IGFBP7: variants seen among roughly 807,000 people sequenced by gnomAD.
The protein encoded by IGFBP7 is insulin like growth factor binding protein 7.
In IGFBP7, 31 loss-of-function variants were observed where a neutral mutation model predicts 29.4. That is an observed-to-expected ratio of 1.05 (90% CI 0.79 to 1.42). The LOEUF is 1.42. Ranked by LOEUF, IGFBP7 falls within the 40% of genes most tolerant of loss-of-function variation. The pLI is 0.00. For missense variants in IGFBP7, 393 were observed against 395.5 expected, an observed-to-expected ratio of 0.99 and a Z score of 0.05; for synonymous variants, 172 against 174.9, an observed-to-expected ratio of 0.98 and a Z score of 0.13.
At chr4:57,072,679 C>T (rs1725082937) in intron 1 of IGFBP7, 1 of 379,640 alleles carries the variant, frequency 2.6e-6, no homozygotes, top group African/African-American at 2.1e-5. Context: ...CTGCCCGGTA[C>T]CTTGTGGGCA....
At chr4:57,034,563 TAATA>T (rs935643022) in intron 2 of IGFBP7, among the ~76,000 whole-genome samples, 4 of 151,864 alleles carry the variant, frequency 2.6e-5, no homozygotes, top group African/African-American at 7.2e-5. Context: ...TGTATAAATA[TAATA>T]AATATATAAA....
intron 1 of IGFBP7, among the ~76,000 whole-genome samples, chr4:57,096,143 C>A (rs1262052975): frequency 6.6e-6 from 1 of 151,464 alleles, no homozygotes; most frequent in African/African-American, 2.4e-5. Flanking sequence ...ACCAACAAAA[C>A]TGACATATTT....
intron 1 of IGFBP7, among the ~76,000 whole-genome samples, chr4:57,051,171 T>C (rs114983191): frequency 1.3e-5 from 2 of 152,064 alleles, no homozygotes; most frequent in Non-Finnish European, 1.5e-5. Context: ...ATGGCCAAGA[T>C]GGGGAAGGGG....
At position 57,095,363 on chromosome 4, in the gene IGFBP7, T is replaced by C. The variant is rs145839262; in HGVS notation, c.475+14514A>G. On this transcript the variant is annotated intron_variant, in intron 1 of 4. Coordinates refer to ENST00000295666, the MANE Select transcript of IGFBP7 (RefSeq NM_001553.3). ...GTTCAGTATTTGCTAATTCAGTGCT[T>C]GTGGTGACTTACTAGAACAAAACTT... 4.6e-5 allele frequency among the ~76,000 whole-genome samples: 7 copies of C among 152,334 alleles called. No individual in the cohort carries two copies. The East Asian group carries it at 1.3e-3, about 29-fold the overall frequency.
chr4:57,056,609 G>A (rs1189288259), intron 1 of IGFBP7, among the ~76,000 whole-genome samples: 1 of 152,148 alleles, frequency 6.6e-6, no homozygotes, highest in Admixed American at 6.5e-5. Context: ...GGACCTGCCT[G>A]GTGAGAACTG....
At chr4:57,041,183 C>T (rs1253938204) in intron 1 of IGFBP7, among the ~76,000 whole-genome samples, 2 of 152,054 alleles carry the variant, frequency 1.3e-5, no homozygotes, top group East Asian at 3.9e-4. Flanking sequence ...TTTCTTCTTC[C>T]CCAGACCATG....
chr4:57,103,947 A>G (rs1725962974), intron 1 of IGFBP7, among the ~76,000 whole-genome samples: 1 of 152,046 alleles, frequency 6.6e-6, no homozygotes, highest in Non-Finnish European at 1.5e-5. Context: ...TCTTGAGCTT[A>G]TGTCTCCTCT....
chr4:57,075,985 G>A (rs961700283), intron 1 of IGFBP7, among the ~76,000 whole-genome samples: 3 of 152,262 alleles, frequency 2.0e-5, no homozygotes, highest in Middle Eastern at 6.8e-3. Context: ...CGAATACCAA[G>A]GCTCTTGTCT....
chr4:57,055,464 T>A (rs1724636266), intron 1 of IGFBP7, among the ~76,000 whole-genome samples: 1 of 152,104 alleles, frequency 6.6e-6, no homozygotes, highest in Admixed American at 6.6e-5. Flanking sequence ...GGGGACAGAT[T>A]AGAAGAAATT....
chr4:57,035,796 A>C (rs1724071719), intron 2 of IGFBP7, among the ~76,000 whole-genome samples: 1 of 152,222 alleles, frequency 6.6e-6, no homozygotes, highest in African/African-American at 2.4e-5. Context: ...ATTGGAATTA[A>C]AACTAAAAAA....
intron 2 of IGFBP7, among the ~76,000 whole-genome samples, chr4:57,037,050 A>C (rs2109738771): frequency 6.6e-6 from 1 of 152,320 alleles, no homozygotes; most frequent in Non-Finnish European, 1.5e-5. Flanking sequence ...GAATATACAA[A>C]AGTTTTAGGA....
At chr4:57,089,325 A>G (rs1725579620) in intron 1 of IGFBP7, among the ~76,000 whole-genome samples, 1 of 152,182 alleles carries the variant, frequency 6.6e-6, no homozygotes, top group South Asian at 2.1e-4. Context: ...GTTCATTTTA[A>G]AATTATCCCT....
intron 1 of IGFBP7, among the ~76,000 whole-genome samples, chr4:57,052,515 G>A (rs1215309941): frequency 1.3e-5 from 2 of 152,194 alleles, no homozygotes; most frequent in Non-Finnish European, 2.9e-5. Context: ...TTGGGTGGAA[G>A]GAAGACAGAT....
chr4:57,034,806 AT>A (rs964493267), intron 2 of IGFBP7, among the ~76,000 whole-genome samples: 4 of 151,834 alleles, frequency 2.6e-5, no homozygotes, highest in Non-Finnish European at 5.9e-5. Context: ...GGCTTTTTGC[AT>A]TTTTTTTCTG....
At chr4:57,042,097 G>A (rs1275831023) in intron 1 of IGFBP7, among the ~76,000 whole-genome samples, 1 of 152,156 alleles carries the variant, frequency 6.6e-6, no homozygotes, top group Non-Finnish European at 1.5e-5. Context: ...CACTGAGAGA[G>A]GCCAGAATGA....
chr4:57,099,412 T>G (rs1725838981), intron 1 of IGFBP7, among the ~76,000 whole-genome samples: 1 of 152,178 alleles, frequency 6.6e-6, no homozygotes, highest in Non-Finnish European at 1.5e-5. Flanking sequence ...CCTTAGACCA[T>G]AGCTTAGATA....
intron 1 of IGFBP7, among the ~76,000 whole-genome samples, chr4:57,089,365 A>C (rs1453578145): frequency 1.3e-5 from 2 of 152,194 alleles, no homozygotes; most frequent in Admixed American, 6.5e-5. Flanking sequence ...TCAGGCAGGA[A>C]CCCTCAATTC....
chr4:57,110,371 G>C lies in IGFBP7; in HGVS notation c.-20C>G, dbSNP rs964968790. The C allele has an allele frequency of 7.2e-5, 95 of 1,327,446 alleles. No homozygotes were observed. The highest frequency in any genetic ancestry group is 8.8e-5 in the Non-Finnish European group (92 of 1,039,910). 82.2% of individuals were successfully genotyped at this position (1,327,446 alleles called of 1,614,324 possible). A position where few individuals can be genotyped will look rare whatever the true frequency, so the allele number is the denominator to read the frequency against. Reference sequence around the variant, plus strand: ...CTCCATGGCGGGGTGCGGTGGCAGCGGCAAGGGCGCGAGTGAGCCGTGTCG... The same window carrying C: ...CTCCATGGCGGGGTGCGGTGGCAGCCGCAAGGGCGCGAGTGAGCCGTGTCG... On this transcript the variant is annotated 5_prime_UTR_variant, in exon 1 of 5. Transcript: ENST00000295666.
intron 1 of IGFBP7, among the ~76,000 whole-genome samples, chr4:57,057,887 A>G (rs567791258): frequency 4.6e-5 from 7 of 152,236 alleles, no homozygotes; most frequent in Non-Finnish European, 7.3e-5. Context: ...CCAGTACATC[A>G]GCTGAACTGA....
Sources: allele counts gnomAD v4.1 joint callset (sites outside exome capture counted in the v4.1 genomes callset), GRCh38; gene constraint gnomAD v4.1.1; transcripts MANE v1.5; gene names NCBI Gene and HGNC (gene_info 2026-07-23, HGNC 2026-07-21).